Variants in ADAMTS8 observed in about 807,000 individuals in gnomAD.
ADAMTS8 encodes the protein A disintegrin and metalloproteinase with thrombospondin motifs 8.
Under a neutral mutation model 64.4 loss-of-function variants are expected in ADAMTS8, and 50 were observed. The observed-to-expected ratio is 0.78, with a 90% CI of 0.62 to 0.98. The LOEUF is 0.98. Ranked by LOEUF, ADAMTS8 falls within the 50% of genes least tolerant of loss-of-function variation. The pLI is 0.00. For missense variants in ADAMTS8, 1,192 were observed against 1,208.2 expected, an observed-to-expected ratio of 0.99 and a Z score of 0.20; for synonymous variants, 556 against 533.6, an observed-to-expected ratio of 1.04 and a Z score of -0.58.
chr11:130,427,475 CTCA>C, intron 1 of ADAMTS8, 89 bp downstream of exon 1: 1 of 259,426 alleles, frequency 3.9e-6, no homozygotes, highest in Non-Finnish European at 6.0e-6. Flanking sequence ...TTTTTTTTTT[CTCA>C]GAGGGATTGG....
rs1449402116 is a variant in ADAMTS8, at chr11:130,411,433, C to T, written c.1734G>A (p.Glu578=). Residue 578 remains glutamate (E), a synonymous_variant, in exon 6 of 9, where the codon GAG becomes GAA. Transcript: ENST00000257359. This position sits in a 1 kb window ranked among gnomAD's most constrained non-coding sequence, Gnocchi z 4.2. ...RRAKYQSCHT[E]ECPPDGKSFR... ...GGTAATTACCGTCAGGGGGGCATTC[C>T]TCCGTGTGGCATGACTGGTACTTGG... 15 of 1,614,088 alleles carry T rather than the reference C, an allele frequency of 9.3e-6. No individual in the cohort carries two copies. Among genetic ancestry groups the T allele is most frequent in the African/African-American group, 1.3e-5 (1 of 75,046 alleles).
Position 130,405,860 on chromosome 11 carries a change from G to T in ADAMTS8, c.2368C>A (p.Leu790Ile). Residue 790 changes from leucine (L) to isoleucine (I), a missense_variant, in exon 9 of 9, where the codon CTC (leucine) becomes ATC (isoleucine). Coordinates refer to ENST00000257359, the MANE Select transcript of ADAMTS8 (RefSeq NM_007037.6). ...AAGACCTCGCCAGGGACTGTCAGGA[G>T]CTGCACTGTCAGAGGCTCTGGCAAG... is the stretch of plus-strand genomic sequence containing the variant. Reference protein sequence around the residue: ...RPLPEPLTVQLLTVPGEVFPP... With the variant: ...RPLPEPLTVQILTVPGEVFPP... 1 of 1,614,060 alleles carries T rather than the reference G, an allele frequency of 6.2e-7. No homozygotes were observed. The highest frequency in any genetic ancestry group is 1.1e-5 in the South Asian group (1 of 91,086).
Position 130,405,700 on chromosome 11 carries a change from T to C in ADAMTS8, c.2528A>G (p.Glu843Gly), listed in dbSNP as rs750922134. ...GCCGGCCCCGCAGGTGCTAGAGCACTCAGACCAGTCCCCCAGCACCCACTG... is the reference window on the plus strand; with the variant it reads ...GCCGGCCCCGCAGGTGCTAGAGCACCCAGACCAGTCCCCCAGCACCCACTG... ...HAQWVLGDWS[E>G]CSSTCGAGWQ... Residue 843 changes from glutamate (E) to glycine (G), a missense_variant, in exon 9 of 9, where the codon GAG (glutamate) becomes GGG (glycine). By Grantham distance (98) the Glu-to-Gly change is moderately conservative (BLOSUM62 -2). Around this residue, in one of 5 missense-constraint regions of ADAMTS8, gnomAD observed 147 missense variants for 154.1 expected, o/e 0.95. Coordinates refer to ENST00000257359, the MANE Select transcript of ADAMTS8 (RefSeq NM_007037.6). The C allele has an allele frequency of 5.0e-6, 8 of 1,614,108 alleles. No homozygotes were observed. Among genetic ancestry groups the C allele is most frequent in the Middle Eastern group, 1.7e-4 (1 of 6,056 alleles).
Position 130,428,457 on chromosome 11 carries a change from C to A in ADAMTS8, c.-171G>T, listed in dbSNP as rs1033839453. The A allele has an allele frequency of 2.5e-4, 255 of 1,032,772 alleles. No individual in the cohort carries two copies. Among genetic ancestry groups the A allele is most frequent in the Non-Finnish European group, 2.8e-4 (246 of 863,636 alleles). 64.0% of individuals were successfully genotyped at this position (1,032,772 alleles called of 1,614,324 possible). A position where few individuals can be genotyped will look rare whatever the true frequency, so the allele number is the denominator to read the frequency against. ...GGCGGCGGGAGCGCTCCCCCGGCGGCCCCTCTGGCTGGCGCAGCCCGCTCC... is the reference window on the plus strand; with the variant it reads ...GGCGGCGGGAGCGCTCCCCCGGCGGACCCTCTGGCTGGCGCAGCCCGCTCC... On this transcript the variant is annotated 5_prime_UTR_variant, in exon 1 of 9. Transcript: ENST00000257359.
intron 1 of ADAMTS8, among the ~76,000 whole-genome samples, chr11:130,427,340 G>A (rs1862180401): frequency 6.6e-6 from 1 of 152,256 alleles, no homozygotes. Flanking sequence ...GGACCTGGGG[G>A]TGGGGGCGCA....
At chr11:130,421,335 C>T (rs961755510) in intron 1 of ADAMTS8, among the ~76,000 whole-genome samples, 1 of 152,170 alleles carries the variant, frequency 6.6e-6, no homozygotes, top group African/African-American at 2.4e-5. Flanking sequence ...CAAGACAGCA[C>T]AAGGAGCTTC....
rs1251581360 is a variant in ADAMTS8, at chr11:130,428,276, G to T, written c.11C>A (p.Ala4Asp). MLP[A>D]PAAPRWPPLL... ...CGGAGGCCACCGGGGGGCGGCGGGG[G>T]CGGGGAGCATGGGGGCTGCGGCGGT... The change falls in exon 1 of 9, where the codon GCC becomes GAC. Residue 4 changes from alanine (A) to aspartate (D), a missense_variant. Coordinates refer to ENST00000257359, the MANE Select transcript of ADAMTS8 (RefSeq NM_007037.6). The T allele has an allele frequency of 1.4e-5, 17 of 1,213,648 alleles. No individual in the cohort carries two copies. The highest frequency in any genetic ancestry group is 8.0e-5 in the African/African-American group (5 of 62,540). The allele number at this position is 1,213,648 out of a possible 1,614,324, so 75.2% of individuals were successfully genotyped here.
chr11:130,413,619 C>A (rs1861980610), intron 5 of ADAMTS8, among the ~76,000 whole-genome samples: 1 of 152,184 alleles, frequency 6.6e-6, no homozygotes. Flanking sequence ...CATTTAAAAA[C>A]CCTCACTGGC....
intron 5 of ADAMTS8, among the ~76,000 whole-genome samples, chr11:130,414,039 T>C (rs1458056411): frequency 1.5e-5 from 2 of 129,518 alleles, no homozygotes; most frequent in African/African-American, 5.2e-5. Flanking sequence ...ACCGTGTGGA[T>C]AAATATGCTT....
intron 8 of ADAMTS8, among the ~76,000 whole-genome samples, chr11:130,406,868 A>G (rs1407609009): frequency 3.3e-5 from 5 of 152,182 alleles, no homozygotes; most frequent in African/African-American, 7.2e-5. Context: ...TCTGGGTTCC[A>G]TAGGCTGGGG....
intron 1 of ADAMTS8, among the ~76,000 whole-genome samples, chr11:130,422,556 C>T (rs1264878573): frequency 6.6e-6 from 1 of 152,162 alleles, no homozygotes; most frequent in Non-Finnish European, 1.5e-5. Context: ...ATTCCCTCTT[C>T]CTATCTGACG....
At chr11:130,417,769 T>TCTGG (rs1462198242) in intron 2 of ADAMTS8, among the ~76,000 whole-genome samples, 1 of 152,172 alleles carries the variant, frequency 6.6e-6, no homozygotes, top group Non-Finnish European at 1.5e-5. Context: ...TTTCAACGTG[T>TCTGG]CTGGATATCC....
chr11:130,410,092 G>T (rs1441460186), intron 6 of ADAMTS8, among the ~76,000 whole-genome samples: 1 of 152,162 alleles, frequency 6.6e-6, no homozygotes, highest in African/African-American at 2.4e-5. Context: ...CACCCTGGCA[G>T]GTCCCCTCAC....
At position 130,405,774 on chromosome 11, in the gene ADAMTS8, G is replaced by A; in HGVS notation, c.2454C>T (p.Ser818=). The stretch of plus-strand genomic sequence containing the variant: ...TGTTGGTGGTTGCTCTCTCTTTGCT[G>A]CTCTGCATGCTAAAGTCCACGTCAT... The part of the protein sequence containing the change: ...VPNDVDFSMQ[S]SKERATTNII... Residue 818 remains serine, a synonymous_variant, in exon 9 of 9, where the codon AGC becomes AGT. Coordinates refer to ENST00000257359, the MANE Select transcript of ADAMTS8 (RefSeq NM_007037.6). 1 of 1,614,108 alleles carries A rather than the reference G, an allele frequency of 6.2e-7. No homozygotes were observed. The highest frequency in any genetic ancestry group is 8.5e-7 in the Non-Finnish European group (1 of 1,180,048).
Position 130,428,220 on chromosome 11 carries a change from G to A in ADAMTS8, c.67C>T (p.Leu23=). 1 of 1,186,788 alleles carries A rather than the reference G, an allele frequency of 8.4e-7. No homozygotes were observed. 73.5% of individuals were successfully genotyped at this position (1,186,788 alleles called of 1,614,324 possible). Residue 23 remains leucine (L), a synonymous_variant, in exon 1 of 9, where the codon CTG becomes TTG. Coordinates refer to ENST00000257359, the MANE Select transcript of ADAMTS8 (RefSeq NM_007037.6). The part of the protein sequence containing the change: ...LLLLLLLLLP[L]ARGAPARPAA... ...GGCCGGGCCGGGGCGCCGCGGGCCA[G>A]CGGCAGCAGCAGCAGCAGCAGCAGC... is the stretch of plus-strand genomic sequence containing the variant.
intron 2 of ADAMTS8, among the ~76,000 whole-genome samples, chr11:130,418,007 C>CAA (rs5795694): frequency 0.024 from 2,240 of 93,914 alleles, 91 homozygotes; most frequent in African/African-American, 0.089. Context: ...CTACAAAAAG[C>CAA]AAAAAAAAAA....
In ADAMTS8 at chr11:130,414,019, C is replaced by T. The variant is rs747075659; in HGVS notation, c.1566+512G>A. Among the ~76,000 whole-genome samples the T allele has an allele frequency of 4.6e-5, 7 of 150,886 alleles. 1 individual carries two copies. The South Asian group carries it at 6.3e-4, about 14-fold the overall frequency. ...CCACTGACCGAGGGGATAGCCTTCA[C>T]GGGCTCCTCACCGTGTGGATAAATA... On this transcript the variant is annotated intron_variant, in intron 5 of 8. Transcript: ENST00000257359.
Position 130,428,312 on chromosome 11 carries a change from A to C in ADAMTS8, c.-26T>G. The C allele has an allele frequency of 2.4e-6, 3 of 1,252,520 alleles. No individual in the cohort carries two copies. The highest frequency in any genetic ancestry group is 3.0e-6 in the Non-Finnish European group (3 of 991,540). 77.6% of individuals were successfully genotyped at this position (1,252,520 alleles called of 1,614,324 possible). ...GGGGGCTGCGGCGGTGGCTGCGCGCAGGAGAGGGAAGAAGCCCGCCAGGCG... is the reference window on the plus strand; with the variant it reads ...GGGGGCTGCGGCGGTGGCTGCGCGCCGGAGAGGGAAGAAGCCCGCCAGGCG... On this transcript the variant is annotated 5_prime_UTR_variant, in exon 1 of 9. Transcript: ENST00000257359.
At chr11:130,419,016 C>T in intron 2 of ADAMTS8, 37 bp downstream of exon 2, 2 of 1,612,472 alleles carry the variant, frequency 1.2e-6, no homozygotes, top group Non-Finnish European at 1.7e-6. Context: ...CATCCTGTCT[C>T]CCTTCCTCCC....
Sources: gnomAD v4.1 joint callset for allele counts (sites outside exome capture counted in the v4.1 genomes callset) on GRCh38, gnomAD v4.1.1 for gene constraint, gnomAD v4.1.1 regional missense constraint, Gnocchi (gnomAD v3.1) non-coding constraint, MANE v1.5 for transcripts, NCBI Gene and HGNC (gene_info 2026-07-23, HGNC 2026-07-21) for gene names.